The following RBM28 variants were observed in gnomAD, a reference collection of about 807,000 sequenced individuals.
RBM28 encodes the protein RNA-binding protein 28.
A neutral mutation model predicts 98.3 loss-of-function variants in RBM28; 78 were observed. That is an observed-to-expected ratio of 0.79 (90% CI 0.66 to 0.96). The LOEUF (loss-of-function observed/expected upper bound fraction) is 0.96, where lower values mean the gene tolerates loss of function less well. RBM28 is among the 40% of genes least tolerant of loss of function. RBM28 has a pLI of 0.00. For missense variants in RBM28, 838 were observed against 913.0 expected, an observed-to-expected ratio of 0.92 and a Z score of 1.06; for synonymous variants, 306 against 330.9, an observed-to-expected ratio of 0.92 and a Z score of 0.82.
intron 16 of RBM28, among the ~76,000 whole-genome samples, chr7:128,315,698 T>A (rs1796093063): frequency 6.6e-6 from 1 of 152,144 alleles, no homozygotes; most frequent in Non-Finnish European, 1.5e-5. Context: ...TATTTAATAT[T>A]TAAATTTTTA....
Position 128,339,801 on chromosome 7 carries a change from T to C in RBM28, c.119-10A>G, listed in dbSNP as rs778515242. The C allele has an allele frequency of 3.7e-6, 6 of 1,613,222 alleles. No individual in the cohort carries two copies. Among genetic ancestry groups the C allele is most frequent in the East Asian group, 4.5e-5 (2 of 44,878 alleles). ...CGACATGCCTTACTCCCTGGAATAA[T>C]GGAGTGGGGAGGGAGTGGAGGGGCA... On this transcript the variant is annotated splice_polypyrimidine_tract_variant and intron_variant, in intron 1 of 18. Coordinates refer to ENST00000223073, the MANE Select transcript of RBM28 (RefSeq NM_018077.3).
intron 11 of RBM28, among the ~76,000 whole-genome samples, chr7:128,325,037 A>T (rs1796318222): frequency 6.6e-6 from 1 of 152,060 alleles, no homozygotes; most frequent in South Asian, 2.1e-4. Flanking sequence ...ATAAAAAAAT[A>T]ACAAAACAAA....
intron 9 of RBM28, among the ~76,000 whole-genome samples, chr7:128,332,105 C>A (rs577125294): frequency 6.6e-6 from 1 of 152,256 alleles, no homozygotes; most frequent in African/African-American, 2.4e-5. Flanking sequence ...TTAGACAGAT[C>A]CTCCGCAAAT....
At position 128,308,486 on chromosome 7, in the gene RBM28, ACAGAC is replaced by A. The variant is rs1431512060; in HGVS notation, c.*2306_*2310del. 6.6e-6 allele frequency: 1 copy of A among 152,208 alleles called. No individual in the cohort carries two copies. Among genetic ancestry groups the A allele is most frequent in the East Asian group, 1.9e-4 (1 of 5,192 alleles). 9.4% of individuals were successfully genotyped at this position (152,208 alleles called of 1,614,324 possible). ...AAGTCCCTTACTTCCTCCACACTGT[ACAGAC>A]CAGGCTGAGAAAGACATGTTGCCAG... On this transcript the variant is annotated 3_prime_UTR_variant, in exon 19 of 19. Transcript: ENST00000223073.
intron 10 of RBM28, among the ~76,000 whole-genome samples, chr7:128,329,195 G>T (rs1242563036): frequency 6.6e-6 from 1 of 152,070 alleles, no homozygotes; most frequent in African/African-American, 2.4e-5. Flanking sequence ...CCCCTCCCAG[G>T]TTCAAGCAAT....
At chr7:128,321,478 C>G in intron 13 of RBM28, 54 bp from the exon 14 acceptor site, 1 of 1,598,862 alleles carries the variant, frequency 6.3e-7, no homozygotes, top group Non-Finnish European at 8.6e-7. Flanking sequence ...AAGAGGTAGG[C>G]TCATAATTCT....
At position 128,335,635 on chromosome 7, in the gene RBM28, TCAG is replaced by T; in HGVS notation, c.851_853del (p.Ser284_Glu285delinsTer). 2 of 1,614,236 alleles carry T rather than the reference TCAG, an allele frequency of 1.2e-6. No individual in the cohort carries two copies. Among genetic ancestry groups the T allele is most frequent in the Non-Finnish European group, 1.7e-6 (2 of 1,180,036 alleles). ...GCTTTCCTCTAGGTCACTGTCCTCC[TCAG>T]AATGATCACTGCTTTTTGCAGGGGC... is the stretch of plus-strand genomic sequence containing the variant. On this transcript the variant is annotated stop_gained and inframe_deletion, in exon 8 of 19. Transcript: ENST00000223073. LOFTEE classifies it high-confidence loss of function.
At chr7:128,323,851 G>A (rs28618998) in intron 12 of RBM28, among the ~76,000 whole-genome samples, 2,272 of 152,162 alleles carry the variant, frequency 0.015, 55 homozygotes, top group African/African-American at 0.052. Flanking sequence ...GAATCTTCAC[G>A]TACATGCCCA....
At chr7:128,338,513 G>A (rs144386013) in intron 4 of RBM28, among the ~76,000 whole-genome samples, 171 bp from the exon 5 acceptor site, 1 of 152,212 alleles carries the variant, frequency 6.6e-6, no homozygotes, top group Non-Finnish European at 1.5e-5. Flanking sequence ...CTCTGACTTG[G>A]ACTTGGGGAG....
chr7:128,313,995 C>T (rs1796048239), intron 17 of RBM28, among the ~76,000 whole-genome samples: 3 of 151,972 alleles, frequency 2.0e-5, no homozygotes, highest in Non-Finnish European at 4.4e-5. Flanking sequence ...CGGAGTCTCG[C>T]TCTTTCGCCC....
At chr7:128,317,815 C>A in intron 15 of RBM28, 82 bp from the exon 16 acceptor site, 1 of 1,487,512 alleles carries the variant, frequency 6.7e-7, no homozygotes, top group Non-Finnish European at 9.3e-7. Context: ...CTTCACACAT[C>A]CTCCCCCAAC....
intron 8 of RBM28, among the ~76,000 whole-genome samples, chr7:128,334,126 T>C (rs955653218): frequency 6.6e-6 from 1 of 152,216 alleles, no homozygotes; most frequent in Non-Finnish European, 1.5e-5. Context: ...TCTGGGGAAG[T>C]TCCCTAAGAA....
At chr7:128,338,191 A>G in intron 5 of RBM28, 59 bp downstream of exon 5, 1 of 1,304,436 alleles carries the variant, frequency 7.7e-7, no homozygotes, top group Non-Finnish European at 1.1e-6. Flanking sequence ...GGGTTACTAC[A>G]CTAATTCACC....
rs749801292 is a variant in RBM28 at position 128,330,931 on chromosome 7, A to G, written c.1020-3T>C. On this transcript the variant is annotated splice_polypyrimidine_tract_variant and splice_region_variant and intron_variant, in intron 9 of 18. Transcript: ENST00000223073. ...CTTCTGAGTCAAAGGACAGATTTCT[A>G]TGGAAGATAACCAGATGATCACAAG... 6.3e-7 allele frequency: 1 copy of G among 1,599,602 alleles called. No individual in the cohort carries two copies. The highest frequency in any genetic ancestry group is 8.6e-7 in the Non-Finnish European group (1 of 1,166,996).
intron 16 of RBM28, 21 bp downstream of exon 16, chr7:128,317,638 T>A: frequency 1.3e-6 from 2 of 1,531,640 alleles, no homozygotes; most frequent in African/African-American, 2.7e-5. Context: ...CTTAAAAATA[T>A]GGACCATTTA....
intron 9 of RBM28, among the ~76,000 whole-genome samples, chr7:128,331,551 TCTTA>T (rs1350391306): frequency 6.6e-6 from 1 of 152,204 alleles, no homozygotes. Context: ...AAATTATCTC[TCTTA>T]ATTAGCCATT....
chr7:128,319,864 G>A (rs1796184390), intron 14 of RBM28, among the ~76,000 whole-genome samples: 1 of 152,108 alleles, frequency 6.6e-6, no homozygotes, highest in South Asian at 2.1e-4. Context: ...TCTGAGCTCA[G>A]GAATTTGCGA....
At chr7:128,326,919 C>T (rs1033962782) in intron 10 of RBM28, among the ~76,000 whole-genome samples, 14 of 151,764 alleles carry the variant, frequency 9.2e-5, no homozygotes, top group Admixed American at 2.6e-4. Flanking sequence ...GCAGGAAGAT[C>T]GCTTAAGCCC....
intron 9 of RBM28, among the ~76,000 whole-genome samples, chr7:128,332,478 C>G (rs1796501449): frequency 6.6e-6 from 1 of 151,986 alleles, no homozygotes; most frequent in Admixed American, 6.6e-5. Flanking sequence ...CTCAGGCCTC[C>G]CGAGTAGCTG....
Sources: gnomAD v4.1 joint callset for allele counts (sites outside exome capture counted in the v4.1 genomes callset) on GRCh38, gnomAD v4.1.1 for gene constraint, MANE v1.5 for transcripts, NCBI Gene and HGNC (gene_info 2026-07-23, HGNC 2026-07-21) for gene names.